The following PTGS1 variants were observed in gnomAD, a reference collection of about 807,000 sequenced individuals.
The protein encoded by PTGS1 is prostaglandin G/H synthase 1.
PTGS1 carries 40 observed loss-of-function variants against 63.0 expected under a neutral mutation model. The observed-to-expected ratio is 0.63, with a 90% CI of 0.49 to 0.83. The LOEUF is 0.83. Ranked by LOEUF, PTGS1 falls within the 40% of genes least tolerant of loss-of-function variation. The pLI is 0.00. For synonymous variants in PTGS1, 298 were observed against 301.9 expected (o/e 0.99, Z 0.13); for missense variants, 709 against 786.5 (o/e 0.90, Z 1.18).
rs1222771934 is a variant in PTGS1, at chr9:122,392,858, G to A, written c.*314G>A. 1 of 262,676 alleles carries A rather than the reference G, an allele frequency of 3.8e-6. No individual in the cohort carries two copies. The highest frequency in any genetic ancestry group is 2.2e-5 in the African/African-American group (1 of 46,264). The allele number at this position is 262,676 out of a possible 1,614,324, so 16.3% of individuals were successfully genotyped here. ...TTGATTTGTAACACAGTCATTCTAGGATGTGGAGCTACTGATGAAATCTGC... is the reference window on the plus strand; with the variant it reads ...TTGATTTGTAACACAGTCATTCTAGAATGTGGAGCTACTGATGAAATCTGC... On this transcript the variant is annotated 3_prime_UTR_variant, in exon 11 of 11. Transcript: ENST00000362012.
chr9:122,392,150 A>G (rs748478818), intron 10 of PTGS1, 39 bp from the exon 11 acceptor site: 3 of 1,526,366 alleles, frequency 2.0e-6, no homozygotes, highest in Admixed American at 2.0e-5. Flanking sequence ...TAATGGCATC[A>G]TGGATCTGAT....
chr9:122,375,809 G>A (rs1278541942), intron 2 of PTGS1, among the ~76,000 whole-genome samples: 4 of 152,154 alleles, frequency 2.6e-5, no homozygotes, highest in South Asian at 2.1e-4. Context: ...AGGGGCTGGC[G>A]CAGAATGTTG....
chr9:122,388,543 C>G (rs1838017341), intron 9 of PTGS1, among the ~76,000 whole-genome samples: 2 of 152,194 alleles, frequency 1.3e-5, no homozygotes, highest in African/African-American at 4.8e-5. Flanking sequence ...GCTTGAATAG[C>G]TGCCCAAGGT....
chr9:122,391,196 GA>G (rs1212082859), intron 10 of PTGS1, among the ~76,000 whole-genome samples: 1 of 149,622 alleles, frequency 6.7e-6, no homozygotes, highest in Admixed American at 6.7e-5. Context: ...TGGTGCCCAA[GA>G]ATCTGCGTAT....
At chr9:122,385,946 A>C (rs1837844844) in intron 8 of PTGS1, among the ~76,000 whole-genome samples, 1 of 152,096 alleles carries the variant, frequency 6.6e-6, no homozygotes, top group Admixed American at 6.5e-5. Context: ...CAAAAGTTCT[A>C]TTTTCACATC....
At chr9:122,373,990 C>A (rs1836963237) in intron 2 of PTGS1, among the ~76,000 whole-genome samples, 1 of 152,106 alleles carries the variant, frequency 6.6e-6, no homozygotes. Flanking sequence ...ACTTGGTGTT[C>A]CCTGGCTGTG....
At position 122,381,610 on chromosome 9, in the gene PTGS1, A is replaced by G. The variant is rs1837521528; in HGVS notation, c.679-54A>G. On this transcript the variant is annotated intron_variant, in intron 6 of 10. Coordinates refer to ENST00000362012, the MANE Select transcript of PTGS1 (RefSeq NM_000962.4). ...GGACCTAATTTGGCACGCGTATGTC[A>G]TCGACAGTGGGCCGGCACCCTGGTG... is the stretch of plus-strand genomic sequence containing the variant. 27 of 1,612,936 alleles carry G rather than the reference A, an allele frequency of 1.7e-5. No homozygotes were observed. The South Asian group carries it at 2.6e-4, about 16-fold the overall frequency.
At chr9:122,371,313 G>T in intron 2 of PTGS1, 41 bp downstream of exon 2, 1 of 1,599,436 alleles carries the variant, frequency 6.3e-7, no homozygotes, top group East Asian at 2.2e-5. Flanking sequence ...CCCCGGTCTT[G>T]CGCCCCTGGC....
At chr9:122,371,830 G>T in intron 2 of PTGS1, 1 of 1,528,916 alleles carries the variant, frequency 6.5e-7, no homozygotes, top group Non-Finnish European at 8.8e-7. Flanking sequence ...GGAAACCGAG[G>T]CTCAGTAGGT....
intron 2 of PTGS1, chr9:122,371,741 G>C: frequency 6.6e-7 from 1 of 1,524,636 alleles, no homozygotes; most frequent in Middle Eastern, 1.8e-4. Context: ...AAGACTTCGG[G>C]AGAACATGGG....
intron 8 of PTGS1, among the ~76,000 whole-genome samples, chr9:122,385,615 G>A (rs1837823879): frequency 6.6e-6 from 1 of 152,046 alleles, no homozygotes; most frequent in Non-Finnish European, 1.5e-5. Context: ...TAGGAAATAT[G>A]TTTTTTGAAA....
intron 2 of PTGS1, chr9:122,372,824 T>G (rs1836882300): frequency 8.1e-6 from 1 of 123,710 alleles, no homozygotes; most frequent in East Asian, 1.9e-4. Context: ...CACGGAATTG[T>G]TTTTTTTTAT....
intron 8 of PTGS1, among the ~76,000 whole-genome samples, chr9:122,385,107 G>A (rs561715138): frequency 1.3e-5 from 2 of 152,144 alleles, no homozygotes; most frequent in Non-Finnish European, 2.9e-5. Context: ...ACAGGTGCCC[G>A]CCACCATGCC....
intron 9 of PTGS1, among the ~76,000 whole-genome samples, chr9:122,388,605 G>A (rs757143253): frequency 6.6e-6 from 1 of 152,206 alleles, no homozygotes; most frequent in Non-Finnish European, 1.5e-5. Flanking sequence ...AAACTGGGAA[G>A]CTCAGAGCAA....
rs1838125527 is a variant in PTGS1, at chr9:122,390,208, G to A, written c.1307G>A (p.Gly436Asp). ...SRQIAGRIGG[G>D]RNMDHHILHV... ...CTTCTCTCTCGGCAGATCGGTGGGG[G>A]CAGGAACATGGACCACCACATCCTG... The change falls in exon 10 of 11, where the codon GGC becomes GAC. Residue 436 changes from glycine (G) to aspartate (D), a missense_variant. Coordinates refer to ENST00000362012, the MANE Select transcript of PTGS1 (RefSeq NM_000962.4). 3 of 1,613,740 alleles carry A rather than the reference G, an allele frequency of 1.9e-6. No homozygotes were observed.
At chr9:122,381,154 A>G (rs764311391) in intron 5 of PTGS1, among the ~76,000 whole-genome samples, 1 of 152,186 alleles carries the variant, frequency 6.6e-6, no homozygotes, top group Non-Finnish European at 1.5e-5. Context: ...TCTAAAAATC[A>G]TGCCACTTAA....
chr9:122,386,559 C>T lies in PTGS1; in HGVS notation c.1123C>T (p.Arg375Cys), dbSNP rs745829594. ...LFGVQFQYRN[R>C]IAMEFNHLYH... ...CGGTGTCCAGTTCCAATACCGCAACCGCATTGCCATGGAGTTCAACCATCT... is the reference window on the plus strand; with the variant it reads ...CGGTGTCCAGTTCCAATACCGCAACTGCATTGCCATGGAGTTCAACCATCT... Residue 375 changes from arginine to cysteine, a missense_variant, in exon 9 of 11, where the codon CGC becomes TGC. Coordinates refer to ENST00000362012, the MANE Select transcript of PTGS1 (RefSeq NM_000962.4). 1.1e-5 allele frequency: 17 copies of T among 1,614,076 alleles called. No individual in the cohort carries two copies. Among genetic ancestry groups the T allele is most frequent in the African/African-American group, 1.3e-5 (1 of 74,922 alleles).
chr9:122,387,002 C>T (rs529023990), intron 9 of PTGS1, among the ~76,000 whole-genome samples: 29 of 152,038 alleles, frequency 1.9e-4, no homozygotes, highest in Non-Finnish European at 2.2e-4. Context: ...GGCAGTCATA[C>T]GACAGCTGAC....
chr9:122,371,779 T>C, intron 2 of PTGS1: 2 of 1,534,122 alleles, frequency 1.3e-6, no homozygotes, highest in Non-Finnish European at 1.7e-6. Context: ...GGAGCCGGGA[T>C]GCTTCATCTG....
Sources: gnomAD v4.1 joint callset for allele counts (sites outside exome capture counted in the v4.1 genomes callset) on GRCh38, gnomAD v4.1.1 for gene constraint, MANE v1.5 for transcripts, NCBI Gene and HGNC (gene_info 2026-07-23, HGNC 2026-07-21) for gene names.